The following SNX29 variants were observed in gnomAD, a reference collection of about 807,000 sequenced individuals.
SNX29 encodes the protein sorting nexin 29.
A neutral mutation model predicts 102.1 loss-of-function variants in SNX29; 78 were observed. The ratio of observed to expected loss-of-function variants is 0.76; its 90% CI spans 0.64 to 0.92. The LOEUF is 0.92. Ranked by LOEUF, SNX29 falls within the 40% of genes least tolerant of loss-of-function variation. The pLI is 0.00. For missense variants in SNX29, 1,280 were observed against 1,061.7 expected (o/e 1.21, Z -2.86); for synonymous variants, 580 against 414.5 (o/e 1.40, Z -4.85).
In SNX29 at chr16:12,438,961, A is replaced by T. The variant is rs529620892; in HGVS notation, c.2037+35432A>T. On this transcript the variant is annotated intron_variant, in intron 18 of 20. Coordinates refer to ENST00000566228, the MANE Select transcript of SNX29 (RefSeq NM_032167.5). ...AGAATGATGTAAGGTGAGGGTAGAG[A>T]GGAAGGCACCGGACAGGATTGTCCA... Among the ~76,000 whole-genome samples the T allele has an allele frequency of 2.6e-5, 4 of 152,310 alleles. No individual in the cohort carries two copies. The East Asian group carries it at 7.7e-4, about 29-fold the overall frequency.
At position 12,564,565 on chromosome 16, in the gene SNX29, G is replaced by T. The variant is rs12599785; in HGVS notation, c.2319-3941G>T. Among the ~76,000 whole-genome samples the T allele has an allele frequency of 3.9e-5, 6 of 152,226 alleles. No individual in the cohort carries two copies. The East Asian group carries it at 1.2e-3, about 29-fold the overall frequency. The stretch of plus-strand genomic sequence containing the variant: ...AGGCCTTTGGCAACCCATTCTTATG[G>T]ATTGCCATCCAGACGCCCCTTTTTC... On this transcript the variant is annotated intron_variant, in intron 20 of 20. Transcript: ENST00000566228.
intron 13 of SNX29, among the ~76,000 whole-genome samples, chr16:12,191,506 A>T (rs1246015878): frequency 1.3e-5 from 2 of 152,102 alleles, no homozygotes; most frequent in Non-Finnish European, 2.9e-5. Context: ...TCAGTGCTGG[A>T]CAGGTGGTAG....
chr16:12,351,902 C>T (rs2082001113), intron 15 of SNX29, among the ~76,000 whole-genome samples: 1 of 152,122 alleles, frequency 6.6e-6, no homozygotes, highest in Admixed American at 6.5e-5. Flanking sequence ...TTGATTAGTG[C>T]TGTCTGCCAA....
intron 16 of SNX29, among the ~76,000 whole-genome samples, chr16:12,384,833 C>T (rs1470324519): frequency 6.6e-6 from 1 of 152,174 alleles, no homozygotes; most frequent in East Asian, 1.9e-4. Context: ...ATAAACCCAT[C>T]ATCTCCATGC....
intron 16 of SNX29, 24 bp from the exon 17 acceptor site, chr16:12,398,422 C>T (rs199850847): frequency 6.2e-7 from 1 of 1,613,578 alleles, no homozygotes. Flanking sequence ...TTTTTCTCCC[C>T]TCTCCCCCTT....
At chr16:12,445,058 C>T (rs540067763) in intron 18 of SNX29, among the ~76,000 whole-genome samples, 2 of 152,164 alleles carry the variant, frequency 1.3e-5, no homozygotes, top group South Asian at 4.2e-4. Flanking sequence ...ACCATGTTGG[C>T]CAGGCTGATC....
At chr16:12,550,150 C>G (rs569545366) in intron 20 of SNX29, among the ~76,000 whole-genome samples, 1 of 152,140 alleles carries the variant, frequency 6.6e-6, no homozygotes, top group Non-Finnish European at 1.5e-5. Context: ...CCTTCCATAC[C>G]GCATGTAGTG....
intron 13 of SNX29, among the ~76,000 whole-genome samples, chr16:12,147,728 G>A (rs149270185): frequency 3.3e-5 from 5 of 152,288 alleles, no homozygotes; most frequent in East Asian, 1.9e-4. Context: ...CTGATTATTC[G>A]TAGAAATAAT....
At chr16:12,391,130 G>A (rs542928330) in intron 16 of SNX29, among the ~76,000 whole-genome samples, 83 of 152,184 alleles carry the variant, frequency 5.5e-4, no homozygotes, top group Middle Eastern at 3.4e-3. Context: ...ATATTCTGTT[G>A]AGATGGGGTC....
intron 20 of SNX29, among the ~76,000 whole-genome samples, chr16:12,567,556 A>G (rs1264407105): frequency 3.9e-5 from 6 of 152,090 alleles, no homozygotes; most frequent in African/African-American, 9.7e-5. Context: ...AGGCTGAGCA[A>G]GAGGATCACT....
chr16:11,995,800 A>T (rs1329431193), intron 1 of SNX29, among the ~76,000 whole-genome samples: 2 of 152,044 alleles, frequency 1.3e-5, no homozygotes, highest in African/African-American at 2.4e-5. Context: ...GGTGGCTCAC[A>T]CCTGTAATCC....
intron 14 of SNX29, among the ~76,000 whole-genome samples, chr16:12,200,996 G>T (rs2076901747): frequency 6.6e-6 from 1 of 152,338 alleles, no homozygotes; most frequent in Admixed American, 6.5e-5. Context: ...ATGGAGACAG[G>T]ATTAGAATCT....
chr16:12,150,195 G>C (rs2055237789), intron 13 of SNX29, among the ~76,000 whole-genome samples: 1 of 152,186 alleles, frequency 6.6e-6, no homozygotes, highest in Non-Finnish European at 1.5e-5. Context: ...GGGCATTGTG[G>C]AGAAGTGGAT....
chr16:12,415,370 C>G (rs2084586383), intron 18 of SNX29, among the ~76,000 whole-genome samples: 1 of 152,256 alleles, frequency 6.6e-6, no homozygotes, highest in Admixed American at 6.5e-5. Context: ...CTCAGCAGCT[C>G]CTTCTGGCAC....
rs1208708714 is a variant in SNX29, at chr16:12,574,214, G to C, written c.*5585G>C. 1 of 177,634 alleles carries C rather than the reference G, an allele frequency of 5.6e-6. No homozygotes were observed. The highest frequency in any genetic ancestry group is 1.2e-5 in the Non-Finnish European group (1 of 82,678). 11.0% of individuals were successfully genotyped at this position (177,634 alleles called of 1,614,324 possible). A position where few individuals can be genotyped will look rare whatever the true frequency, so the allele number is the denominator to read the frequency against. The stretch of plus-strand genomic sequence containing the variant: ...TTTTGGAATAAGCTGTGGAAATTTT[G>C]TTACAACCTGGTTGAGATCAACCTC... On this transcript the variant is annotated 3_prime_UTR_variant, in exon 21 of 21. Transcript: ENST00000566228.
At chr16:12,540,042 CTTT>C (rs562975889) in intron 20 of SNX29, among the ~76,000 whole-genome samples, 51 of 152,246 alleles carry the variant, frequency 3.3e-4, no homozygotes, top group African/African-American at 1.1e-3. Context: ...ATGAAATTTA[CTTT>C]TTGTGTCCCA....
chr16:12,555,898 G>A (rs944643304), intron 20 of SNX29, among the ~76,000 whole-genome samples: 1 of 151,788 alleles, frequency 6.6e-6, no homozygotes, highest in Admixed American at 6.6e-5. Context: ...TCCTGTTCTT[G>A]GTCTCAAACC....
At chr16:12,253,373 G>T (rs1317964700) in intron 14 of SNX29, among the ~76,000 whole-genome samples, 1 of 152,180 alleles carries the variant, frequency 6.6e-6, no homozygotes, top group African/African-American at 2.4e-5. Flanking sequence ...TTCTAGTTAG[G>T]GGGAGACAGA....
At position 12,167,115 on chromosome 16, in the gene SNX29, C is replaced by T. The variant is rs551181996; in HGVS notation, c.1596-32486C>T. On this transcript the variant is annotated intron_variant, in intron 13 of 20. Coordinates refer to ENST00000566228, the MANE Select transcript of SNX29 (RefSeq NM_032167.5). ...ATGCTATGATGAAGTCTTGGCTTTG[C>T]TGGCTGAACCGAGTATATTGCCTTC... Among the ~76,000 whole-genome samples the T allele has an allele frequency of 2.6e-5, 4 of 152,338 alleles. No homozygotes were observed. In the East Asian group the frequency reaches 5.8e-4, roughly 22 times the overall value.
Sources: allele counts gnomAD v4.1 joint callset (sites outside exome capture counted in the v4.1 genomes callset), GRCh38; gene constraint gnomAD v4.1.1; transcripts MANE v1.5; gene names NCBI Gene and HGNC (gene_info 2026-07-23, HGNC 2026-07-21).